HMMR: variants seen among roughly 807,000 people sequenced by gnomAD.
HMMR encodes the protein hyaluronan mediated motility receptor.
A neutral mutation model predicts 101.0 loss-of-function variants in HMMR; 108 were observed. The observed-to-expected ratio is 1.07, with a 90% CI of 0.92 to 1.25. The LOEUF (loss-of-function observed/expected upper bound fraction) is 1.25. HMMR is among the 50% of genes most tolerant of loss of function. The pLI, the probability that HMMR is intolerant of heterozygous loss-of-function variation, is 0.00. For missense variants in HMMR, 813 were observed against 788.7 expected (o/e 1.03, Z -0.37); for synonymous variants, 296 against 276.4 (o/e 1.07, Z -0.70).
At chr5:163,462,551 G>T (rs1413403158) in intron 1 of HMMR, among the ~76,000 whole-genome samples, 1 of 152,040 alleles carries the variant, frequency 6.6e-6, no homozygotes, top group Admixed American at 6.5e-5. Flanking sequence ...ATGGGGCTGG[G>T]CCTGGTGGTT....
At chr5:163,464,539 G>A (rs1758638524) in intron 2 of HMMR, among the ~76,000 whole-genome samples, 184 bp from the exon 3 acceptor site, 1 of 152,138 alleles carries the variant, frequency 6.6e-6, no homozygotes, top group South Asian at 2.1e-4. Flanking sequence ...GCTTGAAACT[G>A]GGAGGCAGAG....
chr5:163,483,326 C>G lies in HMMR; in HGVS notation c.1744C>G (p.Leu582Val), dbSNP rs1335602025. 2 of 1,608,704 alleles carry G rather than the reference C, an allele frequency of 1.2e-6. No individual in the cohort carries two copies. Among genetic ancestry groups the G allele is most frequent in the Non-Finnish European group, 1.7e-6 (2 of 1,175,560 alleles). Residue 582 changes from leucine (L) to valine (V), a missense_variant, in exon 15 of 18, where the codon CTC (leucine) becomes GTC (valine). Coordinates refer to ENST00000393915, the MANE Select transcript of HMMR (RefSeq NM_001142556.2). ...AACTGAAGAAATTAACAAGTGGCGT[C>G]TCCTCTATGAAGAACTATATAATAA... ...ELTEEINKWR[L>V]LYEELYNKTK...
chr5:163,476,177 C>T (rs1759064539), intron 11 of HMMR, among the ~76,000 whole-genome samples: 7 of 151,728 alleles, frequency 4.6e-5, no homozygotes, highest in Admixed American at 3.9e-4. Flanking sequence ...ACTAGCTGGG[C>T]ACGGTGGTGT....
Position 163,483,421 on chromosome 5 carries a change from TCCC to T in HMMR, c.1785+55_1785+57del. 3.0e-6 allele frequency: 3 copies of T among 1,000,020 alleles called. No individual in the cohort carries two copies. In the Admixed American group the frequency reaches 5.8e-5, roughly 19 times the overall value. 61.9% of individuals were successfully genotyped at this position (1,000,020 alleles called of 1,614,324 possible). A position where few individuals can be genotyped will look rare whatever the true frequency, so the allele number is the denominator to read the frequency against. On this transcript the variant is annotated intron_variant, in intron 15 of 17. Coordinates refer to ENST00000393915, the MANE Select transcript of HMMR (RefSeq NM_001142556.2). ...TGTTTATTTTAGGGACTCACTTTGT[TCCC>T]TATTATAGTGAGGACAGTGACTCGG...
At chr5:163,476,336 T>A (rs1759068637) in intron 11 of HMMR, among the ~76,000 whole-genome samples, 1 of 151,820 alleles carries the variant, frequency 6.6e-6, no homozygotes. Context: ...CAAAACACAA[T>A]AATGAACTTG....
At chr5:163,465,758 G>C (rs981014600) in intron 3 of HMMR, among the ~76,000 whole-genome samples, 5 of 151,944 alleles carry the variant, frequency 3.3e-5, no homozygotes, top group Admixed American at 1.3e-4. Flanking sequence ...AGGAGTTTGA[G>C]ACCAGCCTGG....
chr5:163,469,057 A>G (rs973217329), intron 4 of HMMR, among the ~76,000 whole-genome samples: 2 of 152,150 alleles, frequency 1.3e-5, no homozygotes, highest in African/African-American at 4.8e-5. Flanking sequence ...TTATAGGTGG[A>G]AATACCTTAA....
rs796317433 is a variant in HMMR at position 163,468,877 on chromosome 5, G to GT, written c.274-755dup. On this transcript the variant is annotated intron_variant, in intron 4 of 17. Transcript: ENST00000393915. ...TTTCTGTTGACAAATATTGGTTTGGGTTTTTTTTTGTTTTTTGTTTTTTTA... is the reference window on the plus strand; with the variant it reads ...TTTCTGTTGACAAATATTGGTTTGGGTTTTTTTTTTGTTTTTTGTTTTTTTA... 8.4e-3 allele frequency among the ~76,000 whole-genome samples: 1,271 copies of GT among 150,980 alleles called. 17 individuals carry two copies. Among genetic ancestry groups the GT allele is most frequent in the African/African-American group, 0.029 (1,196 of 41,116 alleles).
At chr5:163,481,727 T>C (rs1258875786) in intron 12 of HMMR, among the ~76,000 whole-genome samples, 1 of 152,158 alleles carries the variant, frequency 6.6e-6, no homozygotes, top group African/African-American at 2.4e-5. Context: ...CCTACTCTGC[T>C]TCCAAAAGAG....
chr5:163,467,385 A>C (rs946917664), intron 3 of HMMR, among the ~76,000 whole-genome samples: 5 of 152,220 alleles, frequency 3.3e-5, no homozygotes, highest in African/African-American at 1.2e-4. Context: ...TTAAATATTC[A>C]AGATGTGTTG....
intron 12 of HMMR, among the ~76,000 whole-genome samples, chr5:163,482,066 C>T (rs1357544293): frequency 3.3e-5 from 5 of 152,162 alleles, no homozygotes; most frequent in Non-Finnish European, 7.4e-5. Context: ...CAGGTGTCCA[C>T]CACCACGCTT....
chr5:163,491,066 C>T (rs374755618), intron 17 of HMMR, 46 bp from the exon 18 acceptor site: 34 of 1,109,874 alleles, frequency 3.1e-5, no homozygotes, highest in East Asian at 1.3e-4. Context: ...TGGATAAATT[C>T]GTTTTAATCT....
Position 163,471,472 on chromosome 5 carries a change from G to A in HMMR, c.650+9G>A, listed in dbSNP as rs188154600. 5.1e-5 allele frequency: 80 copies of A among 1,563,056 alleles called. No homozygotes were observed. The Admixed American group carries it at 7.2e-4, about 14-fold the overall frequency. On this transcript the variant is annotated intron_variant, in intron 7 of 17. Transcript: ENST00000393915. ...CAACTGGAGGGAAAACTGTAAGTGA[G>A]TGAATGTGAAGAGAAATTGTTAAGT...
At chr5:163,462,017 A>T (rs945063478) in intron 1 of HMMR, among the ~76,000 whole-genome samples, 2 of 152,204 alleles carry the variant, frequency 1.3e-5, no homozygotes, top group South Asian at 4.1e-4. Flanking sequence ...TTGTCAGCCA[A>T]CGTGTGAATG....
chr5:163,471,408 A>G lies in HMMR; in HGVS notation c.595A>G (p.Thr199Ala). 1 of 1,614,164 alleles carries G rather than the reference A, an allele frequency of 6.2e-7. No individual in the cohort carries two copies. Among genetic ancestry groups the G allele is most frequent in the Non-Finnish European group, 8.5e-7 (1 of 1,180,018 alleles). ...AGGCATGGAGATGAAGCTGCAGGTC[A>G]CCCAAAGGAGTCTCGAAGAGTCTCA... ...QEGMEMKLQV[T>A]QRSLEESQGK... Residue 199 changes from threonine to alanine, a missense_variant, in exon 7 of 18, where the codon ACC becomes GCC. Coordinates refer to ENST00000393915, the MANE Select transcript of HMMR (RefSeq NM_001142556.2).
chr5:163,483,119 A>T lies in HMMR; in HGVS notation c.1632A>T (p.Gln544His), dbSNP rs761142909. Residue 544 changes from glutamine to histidine, a missense_variant, in exon 14 of 18, where the codon CAA becomes CAT. Gln to His is a conservative substitution (Grantham distance 24). Coordinates refer to ENST00000393915, the MANE Select transcript of HMMR (RefSeq NM_001142556.2). Reference sequence around the variant, plus strand: ...AAAAAATAACTGATTTGCAGAACCAACTCAAGCAACAGGAGGAAGACTTTA... The same window carrying T: ...AAAAAATAACTGATTTGCAGAACCATCTCAAGCAACAGGAGGAAGACTTTA... ...FLQKITDLQN[Q>H]LKQQEEDFRK... 4 of 1,612,696 alleles carry T rather than the reference A, an allele frequency of 2.5e-6. No homozygotes were observed. Among genetic ancestry groups the T allele is most frequent in the Non-Finnish European group, 3.4e-6 (4 of 1,179,496 alleles).
chr5:163,462,945 G>T (rs1373165292), intron 1 of HMMR, among the ~76,000 whole-genome samples: 2 of 151,522 alleles, frequency 1.3e-5, no homozygotes, highest in Non-Finnish European at 2.9e-5. Flanking sequence ...CTATTTATTT[G>T]CATGAGACTC....
intron 16 of HMMR, among the ~76,000 whole-genome samples, chr5:163,489,551 T>C (rs148218682): frequency 6.6e-6 from 1 of 152,072 alleles, no homozygotes; most frequent in African/African-American, 2.4e-5. Context: ...GAGTTTTCAG[T>C]GGACTTGTGG....
chr5:163,461,787 A>G (rs900029700), intron 1 of HMMR, among the ~76,000 whole-genome samples: 5 of 144,998 alleles, frequency 3.4e-5, no homozygotes, highest in African/African-American at 7.6e-5. Context: ...TGTCTTACAG[A>G]AAAAAAAAAA....
Sources: gnomAD v4.1 joint callset for allele counts (sites outside exome capture counted in the v4.1 genomes callset) on GRCh38, gnomAD v4.1.1 for gene constraint, MANE v1.5 for transcripts, NCBI Gene and HGNC (gene_info 2026-07-23, HGNC 2026-07-21) for gene names.